TBCK: variants seen among roughly 807,000 people sequenced by gnomAD.
TBCK encodes TBC1 domain containing kinase, also known as TBC domain-containing protein kinase-like protein.
TBCK carries 99 observed loss-of-function variants against 113.4 expected under a neutral mutation model. That is an observed-to-expected ratio of 0.87 (90% CI 0.74 to 1.03). The LOEUF (loss-of-function observed/expected upper bound fraction) is 1.03. Ranked by LOEUF, TBCK falls within the 50% of genes least tolerant of loss-of-function variation. The probability of loss-of-function intolerance (pLI) is 0.00; values close to 1 mark genes in which losing one functional copy is unlikely to be tolerated. For synonymous variants in TBCK, 369 were observed against 370.8 expected (o/e 1.00, Z 0.05); for missense variants, 1,045 against 1,061.3 (o/e 0.98, Z 0.21).
chr4:106,113,057 A>T (rs1743041978), intron 24 of TBCK, among the ~76,000 whole-genome samples: 3 of 152,220 alleles, frequency 2.0e-5, no homozygotes, highest in Admixed American at 2.0e-4. Flanking sequence ...CATTAATAAC[A>T]ATTCTCAATT....
chr4:106,268,706 A>G (rs896120801), intron 3 of TBCK, among the ~76,000 whole-genome samples: 2 of 152,118 alleles, frequency 1.3e-5, no homozygotes, highest in African/African-American at 2.4e-5. Context: ...AATCTTGTTA[A>G]TATCTGTCTA....
chr4:106,090,858 C>T (rs1198951204), intron 25 of TBCK, among the ~76,000 whole-genome samples: 1 of 152,186 alleles, frequency 6.6e-6, no homozygotes, highest in Non-Finnish European at 1.5e-5. Context: ...ACTTTATTGT[C>T]CATACAGCTA....
At chr4:106,138,622 T>G (rs1321127867) in intron 23 of TBCK, among the ~76,000 whole-genome samples, 1 of 141,378 alleles carries the variant, frequency 7.1e-6, no homozygotes, top group Non-Finnish European at 1.6e-5. Context: ...GTCACTGACT[T>G]ATAAGGCAAA....
intron 3 of TBCK, among the ~76,000 whole-genome samples, chr4:106,281,107 T>C (rs764349995): frequency 1.3e-5 from 2 of 152,154 alleles, no homozygotes; most frequent in East Asian, 1.9e-4. Context: ...CAGTGTTTTA[T>C]AGTTTTCATT....
intron 25 of TBCK, among the ~76,000 whole-genome samples, chr4:106,066,970 G>C (rs930915785): frequency 6.6e-6 from 1 of 151,964 alleles, no homozygotes; most frequent in Admixed American, 6.6e-5. Flanking sequence ...ATGCTACAAT[G>C]AACATTGGTG....
intron 18 of TBCK, among the ~76,000 whole-genome samples, 198 bp downstream of exon 18, chr4:106,231,531 T>C (rs1176911535): frequency 1.3e-5 from 2 of 151,798 alleles, no homozygotes; most frequent in Admixed American, 1.3e-4. Context: ...TTTCTAGTAA[T>C]AGCTTTAGCA....
chr4:106,245,051 T>C (rs751998906), intron 10 of TBCK, among the ~76,000 whole-genome samples: 52 of 152,280 alleles, frequency 3.4e-4, no homozygotes, highest in Admixed American at 6.5e-4. Flanking sequence ...AAGGGAGCTA[T>C]GGCATTCTGG....
At chr4:106,049,313 A>G (rs1734550789) in intron 25 of TBCK, among the ~76,000 whole-genome samples, 1 of 152,092 alleles carries the variant, frequency 6.6e-6, no homozygotes, top group African/African-American at 2.4e-5. Flanking sequence ...GCAGAAGTTT[A>G]GGGATCTTAG....
At chr4:106,157,744 AAC>A (rs1224766645) in intron 23 of TBCK, among the ~76,000 whole-genome samples, 1 of 152,120 alleles carries the variant, frequency 6.6e-6, no homozygotes, top group Non-Finnish European at 1.5e-5. Flanking sequence ...ATGAAGTTAA[AAC>A]CAGGTACTGT....
chr4:106,130,310 T>C (rs1578996406), intron 23 of TBCK, among the ~76,000 whole-genome samples: 1 of 152,134 alleles, frequency 6.6e-6, no homozygotes, highest in African/African-American at 2.4e-5. Context: ...TCACAGATTA[T>C]AAAAAGTTGC....
rs766310754 is a variant in TBCK at position 106,235,330 on chromosome 4, G to A, written c.1388C>T (p.Ala463Val). 10 of 1,610,228 alleles carry A rather than the reference G, an allele frequency of 6.2e-6. No individual in the cohort carries two copies. In the East Asian group the frequency reaches 2.0e-4, roughly 32 times the overall value. Reference sequence around the variant, plus strand: ...CATAAGAGGAGGAATGTCAACTCTTGCTTCTTTCCAGATTTGGTTTTTTTT... The same window carrying A: ...CATAAGAGGAGGAATGTCAACTCTTACTTCTTTCCAGATTTGGTTTTTTTT... ...PYKKNQIWKE[A>V]RVDIPPLMRG... The change falls in exon 15 of 26, where the codon GCA becomes GTA. Residue 463 changes from alanine to valine, a missense_variant. By Grantham distance (64) the Ala-to-Val change is moderately conservative. Coordinates refer to ENST00000394708, the MANE Select transcript of TBCK (RefSeq NM_001163435.3).
chr4:106,228,225 GT>G (rs1431264245), intron 19 of TBCK, among the ~76,000 whole-genome samples: 1 of 151,682 alleles, frequency 6.6e-6, no homozygotes, highest in East Asian at 1.9e-4. Context: ...TTTTTCTTTT[GT>G]GTTAAAAACA....
chr4:106,062,956 C>T (rs1437080240), intron 25 of TBCK, among the ~76,000 whole-genome samples: 1 of 151,874 alleles, frequency 6.6e-6, no homozygotes, highest in Non-Finnish European at 1.5e-5. Context: ...TACTACTTTG[C>T]TTTTTACTAC....
chr4:106,080,736 AAC>A, intron 25 of TBCK, among the ~76,000 whole-genome samples: 2 of 152,338 alleles, frequency 1.3e-5, no homozygotes, highest in Admixed American at 1.3e-4. Context: ...GTGTACAGAC[AAC>A]CTACAAAATG....
At chr4:106,076,909 G>T (rs1738257503) in intron 25 of TBCK, among the ~76,000 whole-genome samples, 1 of 152,002 alleles carries the variant, frequency 6.6e-6, no homozygotes, top group African/African-American at 2.4e-5. Context: ...TTTGAAACAA[G>T]CCTGGGAAGC....
rs1321189553 is a variant in TBCK at position 106,212,844 on chromosome 4, A to G, written c.1775-9T>C. The G allele has an allele frequency of 2.5e-6, 4 of 1,590,554 alleles. No individual in the cohort carries two copies. In the African/African-American group the frequency reaches 5.4e-5, roughly 21 times the overall value. Reference sequence around the variant, plus strand: ...GAAGACAGTCAGATACTCTGAAATTACAAAGTTTGAGACAATCATCATTTT... The same window carrying G: ...GAAGACAGTCAGATACTCTGAAATTGCAAAGTTTGAGACAATCATCATTTT... On this transcript the variant is annotated splice_polypyrimidine_tract_variant and intron_variant, in intron 19 of 25. Coordinates refer to ENST00000394708, the MANE Select transcript of TBCK (RefSeq NM_001163435.3).
At chr4:106,316,387 G>A (rs909175811), upstream of TBCK, 6 of 684,128 alleles carry the variant, frequency 8.8e-6, no homozygotes, top group African/African-American at 7.0e-5. Context: ...ACTGGGTGAG[G>A]GAATGGAAGA....
In TBCK at chr4:106,214,301, A is replaced by T. The variant is rs1272561028; in HGVS notation, c.1775-1466T>A. ...AACAGAAAAACTGGAAACTCTAAAA[A>T]TCAGAGCGCCTCTCCTCCTCCAAAG... On this transcript the variant is annotated intron_variant, in intron 19 of 25. Coordinates refer to ENST00000394708, the MANE Select transcript of TBCK (RefSeq NM_001163435.3). 9.2e-5 allele frequency among the ~76,000 whole-genome samples: 14 copies of T among 152,284 alleles called. No homozygotes were observed. The East Asian group carries it at 1.7e-3, about 19-fold the overall frequency.
intron 23 of TBCK, among the ~76,000 whole-genome samples, chr4:106,130,899 T>C (rs1237093809): frequency 6.6e-6 from 1 of 152,158 alleles, no homozygotes; most frequent in Non-Finnish European, 1.5e-5. Flanking sequence ...ATGACTATAC[T>C]TATAATAGGT....
Sources: allele counts gnomAD v4.1 joint callset (sites outside exome capture counted in the v4.1 genomes callset), GRCh38; gene constraint gnomAD v4.1.1; transcripts MANE v1.5; gene names NCBI Gene and HGNC (gene_info 2026-07-23, HGNC 2026-07-21).